TAPT1: variants seen among roughly 807,000 people sequenced by gnomAD.
The protein encoded by TAPT1 is transmembrane anterior posterior transformation 1.
TAPT1 carries 28 observed loss-of-function variants against 65.6 expected under a neutral mutation model. The observed-to-expected ratio is 0.43, with a 90% CI of 0.32 to 0.59. The LOEUF (loss-of-function observed/expected upper bound fraction) is 0.59, where lower values mean the gene tolerates loss of function less well. Ranked by LOEUF, TAPT1 falls within the 20% of genes least tolerant of loss-of-function variation. The pLI, the probability that TAPT1 is intolerant of heterozygous loss-of-function variation, is 0.09. For synonymous variants in TAPT1, 278 were observed against 245.2 expected (o/e 1.13, Z -1.25); for missense variants, 563 against 679.9 (o/e 0.83, Z 1.91).
intron 11 of TAPT1, among the ~76,000 whole-genome samples, chr4:16,172,752 G>A (rs533835402): frequency 3.9e-5 from 6 of 152,160 alleles, no homozygotes; most frequent in African/African-American, 1.4e-4. Flanking sequence ...TGATTTGCAT[G>A]AGACTGCAGC....
Position 16,226,417 on chromosome 4 carries a change from C to G in TAPT1, c.41G>C (p.Gly14Ala). Reference sequence around the variant, plus strand: ...CTGCGGGCCGTCCACGCCGCCACCGCCGCCTTCTCCCGGAGCGGCCGCGTC... The same window carrying G: ...CTGCGGGCCGTCCACGCCGCCACCGGCGCCTTCTCCCGGAGCGGCCGCGTC... The part of the protein sequence containing the change: ...VGDAAAPGEG[G>A]GGGVDGPQRD... Residue 14 changes from glycine (G) to alanine (A), a missense_variant, in exon 1 of 14, where the codon GGC becomes GCC. Physicochemically the swap from Gly to Ala is moderately conservative, Grantham distance 60. Around this residue, in one of 5 missense-constraint regions of TAPT1, gnomAD observed 103 missense variants for 89.4 expected, o/e 1.15. Coordinates refer to ENST00000405303, the MANE Select transcript of TAPT1 (RefSeq NM_153365.3). 6.4e-6 allele frequency: 7 copies of G among 1,086,700 alleles called. No individual in the cohort carries two copies. The highest frequency in any genetic ancestry group is 7.8e-6 in the Non-Finnish European group (7 of 896,378). 67.3% of individuals were successfully genotyped at this position (1,086,700 alleles called of 1,614,324 possible). A position where few individuals can be genotyped will look rare whatever the true frequency, so the allele number is the denominator to read the frequency against.
chr4:16,226,525 G>A (rs1421880761), upstream of TAPT1: 6 of 925,708 alleles, frequency 6.5e-6, no homozygotes, highest in Middle Eastern at 5.2e-4. Flanking sequence ...CCCCCTCCCC[G>A]CCTCGCCCCG....
intron 11 of TAPT1, among the ~76,000 whole-genome samples, chr4:16,172,392 T>A (rs1350072841): frequency 2.0e-5 from 3 of 152,122 alleles, no homozygotes; most frequent in African/African-American, 7.2e-5. Flanking sequence ...AGGTTTATCC[T>A]TATATTTGTA....
chr4:16,202,202 C>T (rs2149703478), intron 3 of TAPT1, among the ~76,000 whole-genome samples: 1 of 152,150 alleles, frequency 6.6e-6, no homozygotes, highest in South Asian at 2.1e-4. Context: ...TACACTGCTA[C>T]AAAGCCTCCA....
intron 8 of TAPT1, 62 bp downstream of exon 8, chr4:16,179,514 TA>T: frequency 2.0e-6 from 2 of 1,015,830 alleles, no homozygotes; most frequent in Non-Finnish European, 2.8e-6. Flanking sequence ...TTATTCCATG[TA>T]AAAGAATGAT....
intron 11 of TAPT1, among the ~76,000 whole-genome samples, chr4:16,173,612 T>C (rs1260478707): frequency 6.6e-6 from 1 of 152,192 alleles, no homozygotes; most frequent in African/African-American, 2.4e-5. Flanking sequence ...GTTTGGACAA[T>C]TTTTAAAAAG....
chr4:16,163,649 C>A, intron 13 of TAPT1, 112 bp from the exon 14 acceptor site: 2 of 763,060 alleles, frequency 2.6e-6, no homozygotes, highest in Non-Finnish European at 4.2e-6. Context: ...CCATGCTTTC[C>A]GATAAAGCAA....
chr4:16,174,631 CT>C (rs760068547), intron 10 of TAPT1, 38 bp downstream of exon 10: 1 of 1,522,734 alleles, frequency 6.6e-7, no homozygotes, highest in Non-Finnish European at 8.9e-7. Context: ...CAGACTATGC[CT>C]TTGTTAATTT....
At chr4:16,186,471 G>A in intron 7 of TAPT1, 64 bp downstream of exon 7, 1 of 1,077,748 alleles carries the variant, frequency 9.3e-7, no homozygotes, top group Non-Finnish European at 1.4e-6. Context: ...GTGCCATTAG[G>A]ATTTCAGAAT....
chr4:16,170,818 A>C, intron 11 of TAPT1, 89 bp from the exon 12 acceptor site: 6 of 987,264 alleles, frequency 6.1e-6, no homozygotes, highest in Non-Finnish European at 7.7e-6. Flanking sequence ...AGATTTCTCC[A>C]TGCTGACTTT....
chr4:16,171,437 CAT>C (rs1312982963), intron 11 of TAPT1, among the ~76,000 whole-genome samples: 2 of 151,910 alleles, frequency 1.3e-5, no homozygotes, highest in East Asian at 1.9e-4. Context: ...AAAATGTCCA[CAT>C]GTTACAAGTG....
chr4:16,196,454 A>T (rs539249476), intron 3 of TAPT1, among the ~76,000 whole-genome samples: 6 of 152,242 alleles, frequency 3.9e-5, no homozygotes, highest in Non-Finnish European at 2.9e-5. Context: ...TGTTAGGTGA[A>T]ATCACAGTCA....
intron 3 of TAPT1, 22 bp downstream of exon 3, chr4:16,202,440 T>C (rs770169399): frequency 1.0e-5 from 13 of 1,284,742 alleles, no homozygotes; most frequent in Middle Eastern, 1.8e-4. Context: ...ACATTTACAA[T>C]AGTTAACGAT....
chr4:16,175,683 G>GA (rs1205146013), intron 9 of TAPT1, among the ~76,000 whole-genome samples: 1 of 152,032 alleles, frequency 6.6e-6, no homozygotes, highest in African/African-American at 2.4e-5. Context: ...ACTTTCACCA[G>GA]AAAAATGTAG....
At chr4:16,211,329 T>C (rs1474820101) in intron 2 of TAPT1, among the ~76,000 whole-genome samples, 1 of 152,118 alleles carries the variant, frequency 6.6e-6, no homozygotes, top group Non-Finnish European at 1.5e-5. Flanking sequence ...CTAGATAGGC[T>C]CTCAACTCAT....
At position 16,226,359 on chromosome 4, in the gene TAPT1, G is replaced by T. The variant is rs1459833210; in HGVS notation, c.99C>A (p.Gly33=). 2 of 1,112,318 alleles carry T rather than the reference G, an allele frequency of 1.8e-6. No individual in the cohort carries two copies. The highest frequency in any genetic ancestry group is 5.0e-5 in the Admixed American group (1 of 19,804). 68.9% of individuals were successfully genotyped at this position (1,112,318 alleles called of 1,614,324 possible). ...GCGGGGGCCCCTGTCCGCCGCTGCC[G>T]CCCGGCTGCTCCGCCTCGCCGCGGC... ...RDGRGEAEQP[G]GSGGQGPPPA... is the part of the protein sequence containing the mutation. Residue 33 remains glycine, a synonymous_variant, in exon 1 of 14, where the codon GGC becomes GGA. Transcript: ENST00000405303.
Position 16,200,355 on chromosome 4 carries a change from A to C in TAPT1, c.449+2107T>G, listed in dbSNP as rs575569567. Reference sequence around the variant, plus strand: ...CTTTCTTTACTTGAGACAGGGTCTCACTCATCACCCAGGCTGGAGTGCAGT... The same window carrying C: ...CTTTCTTTACTTGAGACAGGGTCTCCCTCATCACCCAGGCTGGAGTGCAGT... On this transcript the variant is annotated intron_variant, in intron 3 of 13. Coordinates refer to ENST00000405303, the MANE Select transcript of TAPT1 (RefSeq NM_153365.3). Among the ~76,000 whole-genome samples, 7 of 152,278 alleles carry C rather than the reference A, an allele frequency of 4.6e-5. No homozygotes were observed. In the South Asian group the frequency reaches 1.5e-3, roughly 32 times the overall value.
intron 12 of TAPT1, 53 bp downstream of exon 12, chr4:16,170,600 C>T (rs1030754743): frequency 4.4e-6 from 6 of 1,353,754 alleles, no homozygotes; most frequent in African/African-American, 4.3e-5. Context: ...TCCATTACAT[C>T]TTGCATTTAT....
rs756280549 is a variant in TAPT1 at position 16,174,713 on chromosome 4, C to T, written c.1124G>A (p.Arg375Lys). The T allele has an allele frequency of 2.5e-6, 4 of 1,589,306 alleles. No individual in the cohort carries two copies. The highest frequency in any genetic ancestry group is 2.3e-5 in the East Asian group (1 of 43,958). ...DITADVYSEY[R>K]ASLAFDLVSS... ...AACAAGGTCAAAAGCAAGACTGGCT[C>T]TATATTCACTGTAGACCTAAAAACA... The change falls in exon 10 of 14, where the codon AGA (arginine) becomes AAA (lysine). Residue 375 changes from arginine to lysine, a missense_variant. Arg to Lys is a conservative substitution (Grantham distance 26). Transcript: ENST00000405303.
Sources: allele counts gnomAD v4.1 joint callset (sites outside exome capture counted in the v4.1 genomes callset), GRCh38; gene constraint gnomAD v4.1.1; regional missense constraint gnomAD v4.1.1; transcripts MANE v1.5; gene names NCBI Gene and HGNC (gene_info 2026-07-23, HGNC 2026-07-21).